AGBL1: variants seen among roughly 807,000 people sequenced by gnomAD.
The protein encoded by AGBL1 is AGBL carboxypeptidase 1, also known as cytosolic carboxypeptidase 4.
A neutral mutation model predicts 118.9 loss-of-function variants in AGBL1; 130 were observed. The ratio of observed to expected loss-of-function variants is 1.09; its 90% confidence interval spans 0.95 to 1.26. AGBL1 has a LOEUF of 1.26. Among genes scored for constraint, AGBL1 ranks in the 50% most tolerant of loss-of-function variants. The pLI is 0.00. For synonymous variants in AGBL1, 555 were observed against 478.9 expected, an observed-to-expected ratio of 1.16 and a Z score of -2.08; for missense variants, 1,584 against 1,298.1, an observed-to-expected ratio of 1.22 and a Z score of -3.38.
At chr15:86,876,983 A>G (rs2079819062) in intron 22 of AGBL1, among the ~76,000 whole-genome samples, 1 of 151,968 alleles carries the variant, frequency 6.6e-6, no homozygotes. Flanking sequence ...TATTGTCATT[A>G]TTATTATTTT....
At chr15:86,832,663 G>A (rs899805255) in intron 22 of AGBL1, among the ~76,000 whole-genome samples, 2 of 152,154 alleles carry the variant, frequency 1.3e-5, no homozygotes, top group African/African-American at 4.8e-5. Context: ...GGACTTTGTT[G>A]CCCATATCAC....
intron 22 of AGBL1, among the ~76,000 whole-genome samples, chr15:86,723,775 AAAG>A (rs1351276378): frequency 9.8e-5 from 15 of 152,288 alleles, no homozygotes; most frequent in South Asian, 8.3e-4. Flanking sequence ...AGAGAGAAAA[AAAG>A]AAGAAGAAAG....
chr15:87,026,833 G>A (rs912115472), intron 24 of AGBL1, among the ~76,000 whole-genome samples: 4 of 152,184 alleles, frequency 2.6e-5, no homozygotes, highest in African/African-American at 7.2e-5. Context: ...ATTGGCATTC[G>A]CAGCAACCTG....
intron 21 of AGBL1, among the ~76,000 whole-genome samples, chr15:86,672,765 C>A (rs886855112): frequency 1.3e-5 from 2 of 152,200 alleles, no homozygotes; most frequent in East Asian, 3.8e-4. Context: ...TGTTCAACAT[C>A]TGTCTTTCCC....
chr15:86,469,324 G>A (rs1480601327), intron 18 of AGBL1, among the ~76,000 whole-genome samples: 2 of 152,144 alleles, frequency 1.3e-5, no homozygotes, highest in African/African-American at 4.8e-5. Context: ...ACATATAAGT[G>A]AGACCATGTA....
intron 5 of AGBL1, among the ~76,000 whole-genome samples, chr15:86,181,214 A>T (rs1320866290): frequency 6.6e-6 from 1 of 152,140 alleles, no homozygotes; most frequent in Non-Finnish European, 1.5e-5. Context: ...AGACTCATTT[A>T]CAAATTTTCA....
intron 17 of AGBL1, among the ~76,000 whole-genome samples, chr15:86,365,137 G>T (rs1310067350): frequency 6.6e-6 from 1 of 151,494 alleles, no homozygotes; most frequent in African/African-American, 2.4e-5. Flanking sequence ...GAAAAGAAAA[G>T]TCTATTTCCA....
intron 1 of AGBL1, among the ~76,000 whole-genome samples, chr15:86,101,768 G>A (rs567047787): frequency 9.2e-5 from 14 of 151,820 alleles, no homozygotes; most frequent in South Asian, 6.2e-4. Context: ...TTTCTTTACA[G>A]GTGAGATGAA....
chr15:86,578,406 G>A (rs1292145476), intron 21 of AGBL1, among the ~76,000 whole-genome samples: 1 of 152,118 alleles, frequency 6.6e-6, no homozygotes, highest in Non-Finnish European at 1.5e-5. Context: ...TGATTTTACT[G>A]GCTCATAGCC....
chr15:86,144,690 C>A (rs1250710539), intron 3 of AGBL1, among the ~76,000 whole-genome samples: 1 of 152,018 alleles, frequency 6.6e-6, no homozygotes, highest in Non-Finnish European at 1.5e-5. Context: ...GAGGGAGAGG[C>A]TTAGAAAAAA....
intron 17 of AGBL1, among the ~76,000 whole-genome samples, chr15:86,358,080 T>C (rs540550490): frequency 6.6e-6 from 1 of 152,250 alleles, no homozygotes; most frequent in Non-Finnish European, 1.5e-5. Context: ...TATGTATTAA[T>C]AACTCAGTAT....
chr15:86,664,244 G>A (rs1256056177), intron 21 of AGBL1, among the ~76,000 whole-genome samples: 1 of 152,206 alleles, frequency 6.6e-6, no homozygotes, highest in Non-Finnish European at 1.5e-5. Flanking sequence ...AACATGCTTA[G>A]TGATTGATCC....
intron 4 of AGBL1, 56 bp downstream of exon 4, chr15:86,154,617 A>C: frequency 6.4e-7 from 1 of 1,555,694 alleles, no homozygotes; most frequent in Non-Finnish European, 8.7e-7. Context: ...GCTGGGACAC[A>C]TGGAAACTGC....
At chr15:86,553,850 A>G (rs912043074) in intron 20 of AGBL1, among the ~76,000 whole-genome samples, 21 of 145,710 alleles carry the variant, frequency 1.4e-4, no homozygotes, top group African/African-American at 4.7e-4. Context: ...TCTGGACTTC[A>G]GCTATTTATT....
At chr15:86,931,758 C>T (rs565875640) in intron 23 of AGBL1, among the ~76,000 whole-genome samples, 1 of 152,178 alleles carries the variant, frequency 6.6e-6, no homozygotes, top group Non-Finnish European at 1.5e-5. Context: ...GAGTTATTTG[C>T]TTCTTAAAAC....
intron 21 of AGBL1, among the ~76,000 whole-genome samples, chr15:86,614,204 T>G (rs2142396623): frequency 6.6e-6 from 1 of 152,332 alleles, no homozygotes; most frequent in East Asian, 1.9e-4. Context: ...TATTAAACTG[T>G]TATACTCTGC....
At chr15:86,572,770 A>G (rs904179737) in intron 21 of AGBL1, among the ~76,000 whole-genome samples, 1 of 152,228 alleles carries the variant, frequency 6.6e-6, no homozygotes, top group African/African-American at 2.4e-5. Flanking sequence ...TTCAGCCAGC[A>G]TGATGGCAGT....
chr15:86,457,750 A>T (rs2082278766), intron 18 of AGBL1, among the ~76,000 whole-genome samples: 1 of 152,232 alleles, frequency 6.6e-6, no homozygotes, highest in Non-Finnish European at 1.5e-5. Context: ...TCAAGGGATT[A>T]TATGAATTAT....
At chr15:86,865,513 A>G (rs2079614322) in intron 22 of AGBL1, among the ~76,000 whole-genome samples, 1 of 152,212 alleles carries the variant, frequency 6.6e-6, no homozygotes, top group Non-Finnish European at 1.5e-5. Context: ...TCTCAGTTGT[A>G]TGATAGTCCT....
Sources: gnomAD v4.1 joint callset for allele counts (sites outside exome capture counted in the v4.1 genomes callset) on GRCh38, gnomAD v4.1.1 for gene constraint, MANE v1.5 for transcripts, NCBI Gene and HGNC (gene_info 2026-07-23, HGNC 2026-07-21) for gene names.